The following PSD3 variants were observed in gnomAD, a reference collection of about 807,000 sequenced individuals.
PSD3 encodes the protein pleckstrin and Sec7 domain containing 3, also known as PH and SEC7 domain-containing protein 3.
In PSD3, 49 loss-of-function variants were observed where a neutral mutation model predicts 105.5. The observed-to-expected ratio is 0.46, with a 90% CI of 0.37 to 0.59. The LOEUF (loss-of-function observed/expected upper bound fraction) is 0.59. Ranked by LOEUF, PSD3 falls within the 20% of genes least tolerant of loss-of-function variation. PSD3 has a pLI of 0.00. For missense variants in PSD3, 1,561 were observed against 1,263.8 expected (o/e 1.24, Z -3.57); for synonymous variants, 557 against 457.8 (o/e 1.22, Z -2.77).
At chr8:18,748,532 C>T (rs1009927430) in intron 9 of PSD3, among the ~76,000 whole-genome samples, 9 of 151,816 alleles carry the variant, frequency 5.9e-5, no homozygotes, top group Admixed American at 3.3e-4. Context: ...TGGTGGCAGG[C>T]GCCTGTAGTC....
intron 12 of PSD3, among the ~76,000 whole-genome samples, chr8:18,590,557 G>A (rs946628582): frequency 7.9e-5 from 12 of 152,080 alleles, no homozygotes; most frequent in African/African-American, 2.9e-4. Flanking sequence ...CTTTCTGGAG[G>A]TAATTTAGAA....
rs778904752 is a variant in PSD3, at chr8:18,872,578, G to C, written c.286C>G (p.Pro96Ala). ...CHPQEQQGVQ[P>A]LTGCHSGLDS... is the part of the protein sequence containing the mutation. ...AGCCCAGAGTGGCAGCCAGTAAGAG[G>C]CTGGACACCCTGCTGCTCTTGTGGG... The change falls in exon 3 of 16, where the codon CCT (proline) becomes GCT (alanine). Residue 96 changes from proline (P) to alanine (A), a missense_variant. Transcript: ENST00000327040. 6.2e-7 allele frequency: 1 copy of C among 1,614,080 alleles called. No individual in the cohort carries two copies. Among genetic ancestry groups the C allele is most frequent in the Non-Finnish European group, 8.5e-7 (1 of 1,180,006 alleles).
intron 9 of PSD3, among the ~76,000 whole-genome samples, chr8:18,752,150 C>G (rs983593565): frequency 7.2e-5 from 11 of 151,958 alleles, no homozygotes; most frequent in South Asian, 2.1e-4. Flanking sequence ...ATCTGAATAT[C>G]TGATCATAGG....
intron 2 of PSD3, among the ~76,000 whole-genome samples, chr8:18,875,661 C>T (rs995000819): frequency 1.1e-4 from 16 of 151,956 alleles, no homozygotes; most frequent in African/African-American, 3.1e-4. Flanking sequence ...CTCAGCCTCC[C>T]GAGGAGCTGG....
At chr8:19,048,109 C>T (rs946793553) in intron 1 of PSD3, among the ~76,000 whole-genome samples, 13 of 152,200 alleles carry the variant, frequency 8.5e-5, no homozygotes, top group African/African-American at 2.7e-4. Context: ...TCAAGTCATC[C>T]TCCTGAAGCC....
chr8:18,649,106 C>A (rs1808278012), intron 10 of PSD3, among the ~76,000 whole-genome samples: 1 of 152,212 alleles, frequency 6.6e-6, no homozygotes, highest in Admixed American at 6.5e-5. Context: ...CAATGGGTCA[C>A]TGCTTAGTGG....
chr8:18,752,554 AATT>A (rs1318143188), intron 9 of PSD3, among the ~76,000 whole-genome samples: 5 of 19,684 alleles, frequency 2.5e-4, no homozygotes, highest in African/African-American at 6.1e-4. Context: ...TATTATATAT[AATT>A]ATATATATTA....
intron 9 of PSD3, among the ~76,000 whole-genome samples, chr8:18,665,034 T>C (rs1799369443): frequency 6.6e-6 from 1 of 152,210 alleles, no homozygotes; most frequent in South Asian, 2.1e-4. Flanking sequence ...CTGATGGAGA[T>C]GTACAAGGAG....
chr8:19,041,041 C>T (rs916976954), intron 1 of PSD3, among the ~76,000 whole-genome samples: 23 of 151,984 alleles, frequency 1.5e-4, no homozygotes, highest in African/African-American at 4.4e-4. Flanking sequence ...TATAGGTGCA[C>T]GCCACCACAT....
intron 14 of PSD3, among the ~76,000 whole-genome samples, chr8:18,570,785 T>C (rs890663269): frequency 1.3e-5 from 2 of 151,942 alleles, no homozygotes; most frequent in African/African-American, 4.8e-5. Flanking sequence ...ATTTCTCATA[T>C]TGTAATGAGA....
At chr8:18,990,631 C>T (rs1825740985) in intron 1 of PSD3, among the ~76,000 whole-genome samples, 2 of 152,102 alleles carry the variant, frequency 1.3e-5, no homozygotes, top group South Asian at 2.1e-4. Flanking sequence ...CATCCCCACC[C>T]GGGCAATCTA....
chr8:18,649,644 G>T (rs1008489159), intron 10 of PSD3, among the ~76,000 whole-genome samples: 2 of 152,158 alleles, frequency 1.3e-5, no homozygotes, highest in African/African-American at 4.8e-5. Context: ...GATTTTAGAG[G>T]CGCCAGGGAT....
chr8:18,573,771 G>T (rs1802303160), intron 13 of PSD3, among the ~76,000 whole-genome samples: 1 of 152,150 alleles, frequency 6.6e-6, no homozygotes, highest in Non-Finnish European at 1.5e-5. Context: ...TAGATCAGTG[G>T]GTGCCTGGGG....
chr8:18,937,864 A>G (rs1392348044), intron 1 of PSD3, among the ~76,000 whole-genome samples: 5 of 152,156 alleles, frequency 3.3e-5, no homozygotes, highest in African/African-American at 1.2e-4. Context: ...GCCTGCAGAG[A>G]TGAGAAATAT....
intron 4 of PSD3, among the ~76,000 whole-genome samples, chr8:18,810,531 G>C (rs1359359590): frequency 2.0e-5 from 3 of 152,016 alleles, no homozygotes; most frequent in African/African-American, 7.3e-5. Flanking sequence ...AGTATACTTT[G>C]AATTTAAATT....
At chr8:19,062,347 C>T (rs1027804) in intron 1 of PSD3, among the ~76,000 whole-genome samples, 46,808 of 152,016 alleles carry the variant, frequency 0.31, 7,672 homozygotes, top group East Asian at 0.6. Flanking sequence ...GAATAAAATG[C>T]TGTCTGTTAC....
rs1305883510 is a variant in PSD3 at position 18,953,603 on chromosome 8, G to A, written c.22-17461C>T. On this transcript the variant is annotated intron_variant, in intron 1 of 15. Coordinates refer to ENST00000327040, the MANE Select transcript of PSD3 (RefSeq NM_015310.4). ...ATCTCTACTAAAATTACAAAAATTA[G>A]CTGGGCGTGGTGGCAGGCATCTGTA... Among the ~76,000 whole-genome samples, 4 of 152,054 alleles carry A rather than the reference G, an allele frequency of 2.6e-5. No individual in the cohort carries two copies. In the East Asian group the frequency reaches 5.8e-4, roughly 22 times the overall value.
At chr8:18,944,496 A>G (rs1219261227) in intron 1 of PSD3, among the ~76,000 whole-genome samples, 4 of 152,172 alleles carry the variant, frequency 2.6e-5, no homozygotes, top group Admixed American at 2.6e-4. Flanking sequence ...ACTTGAACCC[A>G]GGAGGTGGAG....
At position 18,627,080 on chromosome 8, in the gene PSD3, A is replaced by C. The variant is rs115775600; in HGVS notation, c.2410+5533T>G. Among the ~76,000 whole-genome samples, 1,292 of 152,224 alleles carry C rather than the reference A, an allele frequency of 8.5e-3. 17 individuals are homozygous for C. Among genetic ancestry groups the C allele is most frequent in the African/African-American group, 0.029 (1,224 of 41,556 alleles). On this transcript the variant is annotated intron_variant, in intron 11 of 15. Transcript: ENST00000327040. ...CTTAAAAAGTCTATGTAAGTATATA[A>C]AACAAAACTTTTTAGACATTTCAAA...
Sources: allele counts gnomAD v4.1 joint callset (sites outside exome capture counted in the v4.1 genomes callset), GRCh38; gene constraint gnomAD v4.1.1; transcripts MANE v1.5; gene names NCBI Gene and HGNC (gene_info 2026-07-23, HGNC 2026-07-21).